Variants in SLC5A8 observed in about 807,000 individuals in gnomAD.
SLC5A8 encodes the protein sodium-coupled monocarboxylate transporter 1.
A neutral mutation model predicts 71.9 loss-of-function variants in SLC5A8; 55 were observed. The ratio of observed to expected loss-of-function variants is 0.77; its 90% CI spans 0.62 to 0.96. SLC5A8 has a LOEUF of 0.96. SLC5A8 is among the 40% of genes least tolerant of loss of function. The pLI, the probability that SLC5A8 is intolerant of heterozygous loss-of-function variation, is 0.00. For synonymous variants in SLC5A8, 307 were observed against 276.1 expected (o/e 1.11, Z -1.11); for missense variants, 701 against 745.3 (o/e 0.94, Z 0.69).
chr12:101,182,720 G>T, intron 9 of SLC5A8, 83 bp downstream of exon 9: 1 of 897,548 alleles, frequency 1.1e-6, no homozygotes, highest in Non-Finnish European at 1.8e-6. Flanking sequence ...TCCTTCCTCT[G>T]TAGCTTCAGT....
intron 1 of SLC5A8, among the ~76,000 whole-genome samples, chr12:101,206,936 T>G (rs1869703321): frequency 6.6e-6 from 1 of 152,234 alleles, no homozygotes; most frequent in Non-Finnish European, 1.5e-5. Context: ...TGTGAACAGC[T>G]AATTTTCACT....
chr12:101,204,827 A>C (rs961304641), intron 1 of SLC5A8, among the ~76,000 whole-genome samples: 9 of 151,540 alleles, frequency 5.9e-5, no homozygotes, highest in African/African-American at 2.2e-4. Flanking sequence ...CACCCAGAAA[A>C]CTCCCTCGGG....
At chr12:101,161,888 G>T (rs955332953) in intron 13 of SLC5A8, 86 bp downstream of exon 13, 215 of 988,186 alleles carry the variant, frequency 2.2e-4, no homozygotes, top group Middle Eastern at 1.1e-3. Flanking sequence ...TAGGATCATA[G>T]TAAAATAACA....
chr12:101,204,590 G>A (rs933881008), intron 1 of SLC5A8, 25 bp from the exon 2 acceptor site: 6 of 1,508,294 alleles, frequency 4.0e-6, no homozygotes, highest in Admixed American at 4.2e-5. Flanking sequence ...AAAATTATGC[G>A]AATCCTCTGG....
chr12:101,158,603 T>TAA (rs2051696266), intron 13 of SLC5A8, among the ~76,000 whole-genome samples: 1 of 44,858 alleles, frequency 2.2e-5, no homozygotes, highest in African/African-American at 1.4e-4. Flanking sequence ...TCTCTCTATA[T>TAA]ATATATATAT....
intron 10 of SLC5A8, among the ~76,000 whole-genome samples, chr12:101,175,250 A>G (rs2051868839): frequency 6.6e-6 from 1 of 152,134 alleles, no homozygotes; most frequent in East Asian, 1.9e-4. Flanking sequence ...AACAACAGAA[A>G]TAACCCAAAC....
intron 10 of SLC5A8, among the ~76,000 whole-genome samples, chr12:101,170,836 G>A (rs1425295128): frequency 2.0e-5 from 3 of 152,118 alleles, no homozygotes; most frequent in South Asian, 2.1e-4. Flanking sequence ...CAGTGACAAA[G>A]CCACCTCCTC....
chr12:101,179,878 A>G (rs1455176510), intron 10 of SLC5A8, 151 bp downstream of exon 10: 9 of 750,822 alleles, frequency 1.2e-5, no homozygotes, highest in Non-Finnish European at 2.0e-5. Flanking sequence ...CACAAAGTTT[A>G]ATTAAAAAAA....
intron 2 of SLC5A8, among the ~76,000 whole-genome samples, chr12:101,203,573 C>G (rs1173531231): frequency 6.6e-6 from 1 of 152,202 alleles, no homozygotes; most frequent in Non-Finnish European, 1.5e-5. Context: ...TCTTGAACTC[C>G]TGACCTCAGG....
intron 12 of SLC5A8, 28 bp from the exon 13 acceptor site, chr12:101,162,105 A>T: frequency 1.4e-6 from 2 of 1,467,930 alleles, no homozygotes; most frequent in Non-Finnish European, 1.9e-6. Flanking sequence ...CAACGGTAAG[A>T]TTTCATGTAA....
intron 3 of SLC5A8, among the ~76,000 whole-genome samples, chr12:101,198,095 A>G (rs1300242554): frequency 6.6e-6 from 1 of 152,060 alleles, no homozygotes; most frequent in Admixed American, 6.5e-5. Context: ...AAAAGAAATC[A>G]CAGGAGAAGT....
At chr12:101,206,977 C>A (rs1308291221) in intron 1 of SLC5A8, among the ~76,000 whole-genome samples, 1 of 152,216 alleles carries the variant, frequency 6.6e-6, no homozygotes, top group Non-Finnish European at 1.5e-5. Context: ...AGATTTCATA[C>A]TTGAGCAAGA....
intron 10 of SLC5A8, among the ~76,000 whole-genome samples, chr12:101,171,154 G>A (rs1287006809): frequency 6.6e-6 from 1 of 152,062 alleles, no homozygotes; most frequent in African/African-American, 2.4e-5. Flanking sequence ...TTCAATCCAG[G>A]TCAGTTACCA....
intron 10 of SLC5A8, among the ~76,000 whole-genome samples, chr12:101,178,016 A>T (rs529365280): frequency 6.6e-6 from 1 of 152,304 alleles, no homozygotes; most frequent in Non-Finnish European, 1.5e-5. Flanking sequence ...CATAAAACAA[A>T]GAAGCAAAAA....
rs115730302 is a variant in SLC5A8 at position 101,181,536 on chromosome 12, C to T, written c.1165+1267G>A. Among the ~76,000 whole-genome samples the T allele has an allele frequency of 5.2e-3, 798 of 152,296 alleles. 6 individuals are homozygous for T. Among genetic ancestry groups the T allele is most frequent in the African/African-American group, 0.018 (757 of 41,558 alleles). ...CAGCCAGTGCCTCCCGTTTTATATG[C>T]ATTATCTCAAAACCCAATTCTGCAA... On this transcript the variant is annotated intron_variant, in intron 9 of 14. Transcript: ENST00000536262.
At chr12:101,200,359 C>T (rs1161751647) in intron 3 of SLC5A8, among the ~76,000 whole-genome samples, 2 of 151,986 alleles carry the variant, frequency 1.3e-5, no homozygotes, top group Admixed American at 1.3e-4. Context: ...GTACACTTCC[C>T]CATGCTCTGT....
chr12:101,204,868 C>G (rs927852589), intron 1 of SLC5A8, among the ~76,000 whole-genome samples: 3 of 152,190 alleles, frequency 2.0e-5, no homozygotes, highest in African/African-American at 4.8e-5. Flanking sequence ...CCTCTTCTCC[C>G]CCGCCAAACC....
At chr12:101,192,505 A>G (rs1868959381) in intron 5 of SLC5A8, among the ~76,000 whole-genome samples, 1 of 152,168 alleles carries the variant, frequency 6.6e-6, no homozygotes, top group Admixed American at 6.5e-5. Flanking sequence ...CCCTTTCCAT[A>G]TTGCAAAAGG....
rs548387327 is a variant in SLC5A8, at chr12:101,209,676, G to C, written c.173C>G (p.Ala58Gly). The change falls in exon 1 of 15, where the codon GCG becomes GGG. Residue 58 changes from alanine (A) to glycine (G), a missense_variant. By Grantham distance (60) the Ala-to-Gly change is moderately conservative. Transcript: ENST00000536262. The part of the protein sequence containing the change: ...GGRRMTAVPV[A>G]LSLTASFMSA... ...CATGAAGCTAGCGGTGAGGGACAGC[G>C]CCACGGGCACTGCGGTCATTCTGCG... is the stretch of plus-strand genomic sequence containing the variant. The C allele has an allele frequency of 6.2e-7, 1 of 1,613,690 alleles. No homozygotes were observed. Among genetic ancestry groups the C allele is most frequent in the East Asian group, 2.2e-5 (1 of 44,862 alleles).
Sources: gnomAD v4.1 joint callset for allele counts (sites outside exome capture counted in the v4.1 genomes callset) on GRCh38, gnomAD v4.1.1 for gene constraint, MANE v1.5 for transcripts, NCBI Gene and HGNC (gene_info 2026-07-23, HGNC 2026-07-21) for gene names.